Variants in MYBPC1 observed in about 807,000 individuals in gnomAD.
MYBPC1 encodes myosin-binding protein C, slow-type.
Under a neutral mutation model 147.1 loss-of-function variants are expected in MYBPC1, and 52 were observed. That is an observed-to-expected ratio of 0.35 (90% CI 0.28 to 0.45). MYBPC1 has a LOEUF of 0.45. Among genes scored for constraint, MYBPC1 ranks in the 20% least tolerant of loss-of-function variants. The pLI is 1.00. For synonymous variants in MYBPC1, 477 were observed against 475.9 expected, an observed-to-expected ratio of 1.00 and a Z score of -0.03; for missense variants, 1,228 against 1,440.3, an observed-to-expected ratio of 0.85 and a Z score of 2.39.
At position 101,666,890 on chromosome 12, in the gene MYBPC1, T is replaced by TACACACACAC. The variant is rs148269135; in HGVS notation, c.2357-839_2357-838insCACACACACA. 251 of 464,376 alleles carry TACACACACAC rather than the reference T, an allele frequency of 5.4e-4. 1 individual carries two copies. The East Asian group carries it at 6.4e-3, about 12-fold the overall frequency. 28.8% of individuals were successfully genotyped at this position (464,376 alleles called of 1,614,324 possible). ...CCAAGCATGAAGAATACTCATCACA[T>TACACACACAC]ACATACACACACACACACACACACA... is the stretch of plus-strand genomic sequence containing the variant. On this transcript the variant is annotated intron_variant, in intron 22 of 31. Coordinates refer to ENST00000361466, the MANE Select transcript of MYBPC1 (RefSeq NM_002465.4).
downstream of MYBPC1, among the ~76,000 whole-genome samples, chr12:101,687,371 G>T (rs1951366700): frequency 6.6e-6 from 1 of 152,054 alleles, no homozygotes; most frequent in Admixed American, 6.6e-5. Flanking sequence ...ATGGTTTCCA[G>T]CTTCATCCAT....
chr12:101,627,678 G>A (rs1024163684), intron 4 of MYBPC1, 91 bp from the exon 5 acceptor site: 15 of 1,444,432 alleles, frequency 1.0e-5, no homozygotes, highest in Non-Finnish European at 1.5e-5. Context: ...AGGAGACAGG[G>A]TTTAGGGGAA....
the MYBPC1 span, among the ~76,000 whole-genome samples, chr12:101,695,783 A>G: frequency 0.51 from 77,610 of 151,902 alleles, 20,806 homozygotes; most frequent in Admixed American, 0.6. Flanking sequence ...CCAGTCTTGG[A>G]GTGCCAATTC....
intron 28 of MYBPC1, 82 bp from the exon 29 acceptor site, chr12:101,680,261 A>G (rs1950849752): frequency 7.3e-7 from 1 of 1,364,290 alleles, no homozygotes; most frequent in Admixed American, 1.9e-5. Flanking sequence ...ATGCTTTAAA[A>G]TTCTGTCACT....
the MYBPC1 span, among the ~76,000 whole-genome samples, chr12:101,692,327 CA>C: frequency 3.3e-5 from 5 of 152,126 alleles, no homozygotes; most frequent in African/African-American, 1.2e-4. Context: ...GGCACAAAAC[CA>C]ACATGATATA....
intron 5 of MYBPC1, 40 bp from the exon 6 acceptor site, chr12:101,629,394 T>TG: frequency 7.3e-7 from 1 of 1,374,202 alleles, no homozygotes. Context: ...AAGAAGAGCC[T>TG]GGCCCTGAAA....
At chr12:101,670,814 A>C (rs1287454356) in intron 24 of MYBPC1, among the ~76,000 whole-genome samples, 1 of 152,204 alleles carries the variant, frequency 6.6e-6, no homozygotes, top group African/African-American at 2.4e-5. Context: ...TAGTTCCCAC[A>C]ATGACCCCAA....
At chr12:101,673,400 C>T in intron 24 of MYBPC1, 27 bp from the exon 25 acceptor site, 1 of 1,605,926 alleles carries the variant, frequency 6.2e-7, no homozygotes, top group East Asian at 2.2e-5. Flanking sequence ...GATTTACCCT[C>T]TCTACTTTTG....
chr12:101,606,113 G>A (rs943037143), intron 1 of MYBPC1, among the ~76,000 whole-genome samples: 4 of 151,378 alleles, frequency 2.6e-5, no homozygotes. Flanking sequence ...GATCATCTGA[G>A]CCTGGGGAGA....
At chr12:101,681,361 T>C (rs371847032) in intron 29 of MYBPC1, among the ~76,000 whole-genome samples, 1 of 151,640 alleles carries the variant, frequency 6.6e-6, no homozygotes, top group African/African-American at 2.4e-5. Flanking sequence ...CTGTATTATA[T>C]TGCCATTCTG....
intron 2 of MYBPC1, 93 bp downstream of exon 2, chr12:101,614,624 G>A: frequency 2.2e-6 from 3 of 1,341,476 alleles, no homozygotes; most frequent in Non-Finnish European, 3.2e-6. Context: ...TGTGAGCTGT[G>A]AGCTTTAACC....
At chr12:101,652,911 C>G (rs886665128) in intron 17 of MYBPC1, 127 bp downstream of exon 17, 1 of 1,071,644 alleles carries the variant, frequency 9.3e-7, no homozygotes. Flanking sequence ...GTATTAATCA[C>G]CAATCAGAAA....
At chr12:101,632,473 A>C (rs1890112261) in intron 8 of MYBPC1, among the ~76,000 whole-genome samples, 2 of 152,194 alleles carry the variant, frequency 1.3e-5, no homozygotes, top group African/African-American at 2.4e-5. Flanking sequence ...GGATAGGGTA[A>C]TATGCTATGA....
Position 101,642,448 on chromosome 12 carries a change from A to G in MYBPC1, c.695A>G (p.Gln232Arg), listed in dbSNP as rs1354561470. 3 of 1,614,128 alleles carry G rather than the reference A, an allele frequency of 1.9e-6. No homozygotes were observed. The South Asian group carries it at 3.3e-5, about 18-fold the overall frequency. ...REVKQQEEEP[Q>R]VDVWELLKNA... ...GTGAAGCAGCAGGAGGAAGAACCCCAGGTGGACGTATGGGAGTTGCTGAAG... is the reference window on the plus strand; with the variant it reads ...GTGAAGCAGCAGGAGGAAGAACCCCGGGTGGACGTATGGGAGTTGCTGAAG... Residue 232 changes from glutamine to arginine, a missense_variant, in exon 11 of 32, where the codon CAG (glutamine) becomes CGG (arginine). By Grantham distance (43) the Gln-to-Arg change is conservative. Around this residue, in one of 2 missense-constraint regions of MYBPC1, gnomAD observed 1,077 missense variants for 1,314.2 expected, o/e 0.82. Transcript: ENST00000361466.
chr12:101,603,577 A>G (rs1468338918), intron 1 of MYBPC1, among the ~76,000 whole-genome samples: 2 of 152,142 alleles, frequency 1.3e-5, no homozygotes, highest in East Asian at 1.9e-4. Context: ...AAGTCACCCA[A>G]TGTGAGGTCC....
At position 101,662,426 on chromosome 12, in the gene MYBPC1, G is replaced by T. The variant is rs111732610; in HGVS notation, c.2101G>T (p.Glu701Ter). 2 of 1,614,228 alleles carry T rather than the reference G, an allele frequency of 1.2e-6. No individual in the cohort carries two copies. Among genetic ancestry groups the T allele is most frequent in the Non-Finnish European group, 1.7e-6 (2 of 1,180,042 alleles). ...WMRLNFDLCKETTFEPKKMIE... is the reference protein window; with the variant it reads ...WMRLNFDLCK ...GAGGCTGAATTTTGATCTCTGCAAA[G>T]AAACAACTTTTGAGCCCAAGAAGAT... The change falls in exon 21 of 32, where the codon GAA becomes TAA. Residue 701 changes from glutamate to a stop codon, truncating the protein, a stop_gained. Coordinates refer to ENST00000361466, the MANE Select transcript of MYBPC1 (RefSeq NM_002465.4). LOFTEE classifies it high-confidence loss of function.
chr12:101,676,930 T>C (rs1362356805), intron 26 of MYBPC1, among the ~76,000 whole-genome samples: 1 of 152,104 alleles, frequency 6.6e-6, no homozygotes, highest in Non-Finnish European at 1.5e-5. Context: ...GATAAATAGA[T>C]GACAGACACC....
At chr12:101,686,222 A>G (rs1435195721), downstream of MYBPC1, among the ~76,000 whole-genome samples, 5 of 152,242 alleles carry the variant, frequency 3.3e-5, no homozygotes, top group Non-Finnish European at 7.3e-5. Context: ...TGGTACAACA[A>G]ATCTGAAGTG....
intron 12 of MYBPC1, 65 bp from the exon 13 acceptor site, chr12:101,646,698 G>A: frequency 6.3e-7 from 1 of 1,576,250 alleles, no homozygotes; most frequent in Non-Finnish European, 8.7e-7. Flanking sequence ...CAAATTTGCT[G>A]GCAATAAAGA....
Sources: gnomAD v4.1 joint callset for allele counts (sites outside exome capture counted in the v4.1 genomes callset) on GRCh38, gnomAD v4.1.1 for gene constraint, gnomAD v4.1.1 regional missense constraint, MANE v1.5 for transcripts, NCBI Gene and HGNC (gene_info 2026-07-23, HGNC 2026-07-21) for gene names.